ARHGAP27: variants seen among roughly 807,000 people sequenced by gnomAD.
ARHGAP27 encodes Rho GTPase activating protein 27, also known as rho GTPase-activating protein 27.
ARHGAP27 carries 53 observed loss-of-function variants against 102.0 expected under a neutral mutation model. The observed-to-expected ratio is 0.52, with a 90% CI of 0.42 to 0.65. The LOEUF is 0.65. Ranked by LOEUF, ARHGAP27 falls within the 30% of genes least tolerant of loss-of-function variation. The pLI is 0.00. For synonymous variants in ARHGAP27, 525 were observed against 542.8 expected, an observed-to-expected ratio of 0.97 and a Z score of 0.46; for missense variants, 1,117 against 1,256.2, an observed-to-expected ratio of 0.89 and a Z score of 1.68.
intron 4 of ARHGAP27, among the ~76,000 whole-genome samples, chr17:45,411,688 C>T (rs1048411802): frequency 2.0e-5 from 3 of 152,156 alleles, no homozygotes; most frequent in Non-Finnish European, 2.9e-5. Context: ...ATCCCCTCCT[C>T]GCTATCAGGG....
chr17:45,404,501 G>C lies in ARHGAP27; in HGVS notation c.1357C>G (p.His453Asp), dbSNP rs1234292377. The change falls in exon 8 of 20, where the codon CAT becomes GAT. Residue 453 changes from histidine (H) to aspartate (D), a missense_variant. This residue lies in a region of ARHGAP27 where 610 missense variants were observed against 716.4 expected (regional missense o/e 0.85). Coordinates refer to ENST00000685559, the MANE Select transcript of ARHGAP27 (RefSeq NM_001282290.2). Reference sequence around the variant, plus strand: ...GTGTCACCATCCTGGCTGGATTTATGGATGCTTCGAGGGGCAGGGACAGGG... The same window carrying C: ...GTGTCACCATCCTGGCTGGATTTATCGATGCTTCGAGGGGCAGGGACAGGG... ...QVPVPAPRSI[H>D]KSSQDGDTPA... 1.2e-6 allele frequency: 2 copies of C among 1,613,408 alleles called. No individual in the cohort carries two copies. The highest frequency in any genetic ancestry group is 2.7e-5 in the African/African-American group (2 of 74,864).
At chr17:45,420,179 T>C (rs1166451629) in intron 4 of ARHGAP27, among the ~76,000 whole-genome samples, 3 of 152,212 alleles carry the variant, frequency 2.0e-5, no homozygotes, top group Non-Finnish European at 4.4e-5. Flanking sequence ...ATATTCCAAA[T>C]GCCTGTCAAC....
At chr17:45,417,108 A>T (rs1161064055) in intron 4 of ARHGAP27, among the ~76,000 whole-genome samples, 1 of 150,438 alleles carries the variant, frequency 6.6e-6, no homozygotes, top group Non-Finnish European at 1.5e-5. Context: ...GTGAGCCGAG[A>T]TCGAGCCATT....
At position 45,396,073 on chromosome 17, in the gene ARHGAP27, C is replaced by G; in HGVS notation, c.2296G>C (p.Val766Leu). 6.2e-7 allele frequency: 1 copy of G among 1,613,928 alleles called. No individual in the cohort carries two copies. The highest frequency in any genetic ancestry group is 8.5e-7 in the Non-Finnish European group (1 of 1,179,894). Reference sequence around the variant, plus strand: ...AAGAGCTTCAGGGCTCCGGTGATAACGTGGACGTCCTCCCAGCGCCCGTCA... The same window carrying G: ...AAGAGCTTCAGGGCTCCGGTGATAAGGTGGACGTCCTCCCAGCGCCCGTCA... The part of the protein sequence containing the change: ...LDDGRWEDVH[V>L]ITGALKLFFR... The change falls in exon 18 of 20, where the codon GTT (valine) becomes CTT (leucine). Residue 766 changes from valine to leucine, a missense_variant. By Grantham distance (32) the Val-to-Leu change is conservative. This residue lies in a region of ARHGAP27 where 493 missense variants were observed against 505.5 expected (regional missense o/e 0.98). Transcript: ENST00000685559.
chr17:45,412,986 TTTTTTTTTTTTTTA>T, intron 4 of ARHGAP27, among the ~76,000 whole-genome samples: 3 of 100,190 alleles, frequency 3.0e-5, no homozygotes, highest in Admixed American at 1.1e-4. Flanking sequence ...TTTTTTTTTT[TTTTTTTTTTTTTTA>T]ATGGAGTCTC....
Position 45,418,877 on chromosome 17 carries a change from C to G in ARHGAP27, c.657+10746G>C, listed in dbSNP as rs1264801003. On this transcript the variant is annotated intron_variant, in intron 4 of 19. Coordinates refer to ENST00000685559, the MANE Select transcript of ARHGAP27 (RefSeq NM_001282290.2). ...GGCCAGGTAGTCTCTACCCGTAAGG[C>G]CAGGGCACCAAGGAGACAGGGAGAA... Among the ~76,000 whole-genome samples the G allele has an allele frequency of 2.6e-5, 4 of 152,296 alleles. No individual in the cohort carries two copies. In the South Asian group the frequency reaches 6.2e-4, roughly 24 times the overall value.
Position 45,396,788 on chromosome 17 carries a change from C to T in ARHGAP27, c.1954G>A (p.Ala652Thr), listed in dbSNP as rs2045776050. Residue 652 changes from alanine (A) to threonine (T), a missense_variant and splice_region_variant, in exon 15 of 20, where the codon GCG (alanine) becomes ACG (threonine). Ala to Thr is a moderately conservative substitution (Grantham distance 58, BLOSUM62 0). This residue lies in a region of ARHGAP27 where 493 missense variants were observed against 505.5 expected (regional missense o/e 0.98). Transcript: ENST00000685559. ...KEEDARPNAA[A>T]PALGPVGLES... ...AGGCCCACGGGGCCCAGGGCGGGCG[C>T]GGCTGCCGCGGGGAAAGGCAGGACT... 9.3e-6 allele frequency: 15 copies of T among 1,609,894 alleles called. No individual in the cohort carries two copies. The highest frequency in any genetic ancestry group is 6.6e-5 in the South Asian group (6 of 90,642).
At chr17:45,431,399 C>A (rs185604705) in intron 3 of ARHGAP27, among the ~76,000 whole-genome samples, 17 of 152,238 alleles carry the variant, frequency 1.1e-4, no homozygotes, top group Non-Finnish European at 2.2e-4. Flanking sequence ...GCCAGGAGAC[C>A]GCCGCTTGCC....
chr17:45,414,902 CAAAAAAAAA>C (rs35471470), intron 4 of ARHGAP27, among the ~76,000 whole-genome samples: 1 of 92,964 alleles, frequency 1.1e-5, no homozygotes. Context: ...CTAAAAATAC[CAAAAAAAAA>C]AAAAAAAAAA....
At chr17:45,401,211 C>T (rs894179341) in intron 12 of ARHGAP27, among the ~76,000 whole-genome samples, 7 of 152,110 alleles carry the variant, frequency 4.6e-5, no homozygotes, top group African/African-American at 1.7e-4. Context: ...TGATGGAACG[C>T]GCCTGTAGTC....
At chr17:45,409,954 C>G (rs1597813603) in intron 4 of ARHGAP27, 2 of 451,992 alleles carry the variant, frequency 4.4e-6, no homozygotes, top group Non-Finnish European at 7.8e-6. Flanking sequence ...GGACCTGGCT[C>G]TCAGGCTCCA....
chr17:45,420,828 C>A (rs1436719489), intron 4 of ARHGAP27, among the ~76,000 whole-genome samples: 1 of 151,488 alleles, frequency 6.6e-6, no homozygotes, highest in Admixed American at 6.6e-5. Flanking sequence ...TTGGGGGGCG[C>A]CTGTAGTCCC....
At chr17:45,396,637 C>T (rs760611750) in intron 15 of ARHGAP27, 31 bp downstream of exon 15, 3 of 1,612,340 alleles carry the variant, frequency 1.9e-6, no homozygotes, top group East Asian at 2.2e-5. Context: ...GTCCCGGTCC[C>T]GGGTCCCCGC....
chr17:45,430,444 ACTTGCAT>A lies in ARHGAP27; in HGVS notation c.-18-154_-18-148del. 1 of 1,231,182 alleles carries A rather than the reference ACTTGCAT, an allele frequency of 8.1e-7. No individual in the cohort carries two copies. The highest frequency in any genetic ancestry group is 1.1e-6 in the Non-Finnish European group (1 of 915,792). 76.3% of individuals were successfully genotyped at this position (1,231,182 alleles called of 1,614,324 possible). ...CAGTTTTCCCATCTCTAAAATGGGA[ACTTGCAT>A]AAAATCACATGTAAGGCTTCCATTC... is the stretch of plus-strand genomic sequence containing the variant. On this transcript the variant is annotated intron_variant, in intron 3 of 19. Transcript: ENST00000685559. This position sits in a 1 kb window ranked among gnomAD's most constrained non-coding sequence, Gnocchi z 4.4.
chr17:45,418,196 C>T (rs540267531), intron 4 of ARHGAP27, among the ~76,000 whole-genome samples: 35 of 149,088 alleles, frequency 2.3e-4, no homozygotes, highest in African/African-American at 7.9e-4. Context: ...CCTCCCGCTT[C>T]GGCCTCCCAA....
chr17:45,430,301 C>A lies in ARHGAP27; in HGVS notation c.-18-4G>T. The A allele has an allele frequency of 6.5e-7, 1 of 1,548,702 alleles. No homozygotes were observed. Among genetic ancestry groups the A allele is most frequent in the East Asian group, 2.4e-5 (1 of 41,804 alleles). On this transcript the variant is annotated splice_polypyrimidine_tract_variant and splice_region_variant and intron_variant, in intron 3 of 19. Coordinates refer to ENST00000685559, the MANE Select transcript of ARHGAP27 (RefSeq NM_001282290.2). This position sits in a 1 kb window ranked among gnomAD's most constrained non-coding sequence, Gnocchi z 4.4. ...CCATCGCAGCCGCGGCGTTTTCCTG[C>A]GGGCAACAAGAAGGAGGGCCGCGGA...
At chr17:45,424,655 C>A (rs2049371477) in intron 4 of ARHGAP27, among the ~76,000 whole-genome samples, 1 of 139,000 alleles carries the variant, frequency 7.2e-6, no homozygotes, top group African/African-American at 2.6e-5. Context: ...ATTTTGGGGA[C>A]TTGGGAGTGG....
intron 4 of ARHGAP27, among the ~76,000 whole-genome samples, chr17:45,406,527 C>A (rs1214639709): frequency 1.3e-5 from 2 of 152,170 alleles, no homozygotes; most frequent in Admixed American, 1.3e-4. Flanking sequence ...TTATATTTAT[C>A]AATAATAATA....
chr17:45,405,140 G>A lies in ARHGAP27; in HGVS notation c.1066-34C>T, dbSNP rs183933164. 2,588 of 1,543,550 alleles carry A rather than the reference G, an allele frequency of 1.7e-3. 58 individuals carry two copies. The Admixed American group carries it at 0.041, about 25-fold the overall frequency. The stretch of plus-strand genomic sequence containing the variant: ...AACAGAAGGTGGAGTCAGAGGCTCT[G>A]AGTGCCAGTACTGCCTGCTGGCCCT... On this transcript the variant is annotated intron_variant, in intron 5 of 19. Transcript: ENST00000685559.
Sources: allele counts gnomAD v4.1 joint callset (sites outside exome capture counted in the v4.1 genomes callset), GRCh38; gene constraint gnomAD v4.1.1; regional missense constraint gnomAD v4.1.1; non-coding constraint Gnocchi (gnomAD v3.1); transcripts MANE v1.5; gene names NCBI Gene and HGNC (gene_info 2026-07-23, HGNC 2026-07-21).